Variants in LRRTM4 observed in about 807,000 individuals in gnomAD.
LRRTM4 encodes leucine rich repeat transmembrane neuronal 4, also known as leucine-rich repeat transmembrane neuronal protein 4.
LRRTM4 carries 25 observed loss-of-function variants against 47.6 expected under a neutral mutation model. The observed-to-expected ratio is 0.53, with a 90% CI of 0.38 to 0.73. The LOEUF (loss-of-function observed/expected upper bound fraction) is 0.73, where lower values mean the gene tolerates loss of function less well. Ranked by LOEUF, LRRTM4 falls within the 30% of genes least tolerant of loss-of-function variation. The pLI is 0.00. For missense variants in LRRTM4, 638 were observed against 713.4 expected, an observed-to-expected ratio of 0.89 and a Z score of 1.20; for synonymous variants, 311 against 269.5, an observed-to-expected ratio of 1.15 and a Z score of -1.51.
intron 3 of LRRTM4, among the ~76,000 whole-genome samples, chr2:76,892,548 A>AT (rs568828260): frequency 3.3e-5 from 5 of 151,446 alleles, no homozygotes; most frequent in East Asian, 3.9e-4. Context: ...GTAAACTGCA[A>AT]TTTTTTTTGG....
chr2:77,347,177 G>A (rs1404505746), intron 3 of LRRTM4, among the ~76,000 whole-genome samples: 3 of 152,160 alleles, frequency 2.0e-5, no homozygotes, highest in Admixed American at 6.5e-5. Flanking sequence ...AAACCTTAAA[G>A]CGATAGTTTT....
intron 3 of LRRTM4, among the ~76,000 whole-genome samples, chr2:76,894,418 G>C (rs758944898): frequency 1.3e-5 from 2 of 151,916 alleles, no homozygotes; most frequent in Non-Finnish European, 2.9e-5. Context: ...TTCTACTTAT[G>C]GTTTCTAAAT....
Position 76,764,669 on chromosome 2 carries a change from C to T in LRRTM4, c.1552-15753G>A, listed in dbSNP as rs528697853. 9.2e-5 allele frequency among the ~76,000 whole-genome samples: 14 copies of T among 152,178 alleles called. No individual in the cohort carries two copies. In the South Asian group the frequency reaches 2.9e-3, roughly 32 times the overall value. On this transcript the variant is annotated intron_variant, in intron 3 of 3. Transcript: ENST00000409884. Reference sequence around the variant, plus strand: ...AAAAACAAACAAAAAATTATATAAACTGAAACACTGCCAGTTTGAACTAAG... The same window carrying T: ...AAAAACAAACAAAAAATTATATAAATTGAAACACTGCCAGTTTGAACTAAG...
chr2:77,333,317 T>G (rs2104256325), intron 3 of LRRTM4, among the ~76,000 whole-genome samples: 1 of 152,296 alleles, frequency 6.6e-6, no homozygotes, highest in East Asian at 1.9e-4. Context: ...TGGAACAGTT[T>G]GGAAAGCTCA....
At chr2:77,083,783 CT>C (rs386390525) in intron 3 of LRRTM4, among the ~76,000 whole-genome samples, 3,344 of 52,378 alleles carry the variant, frequency 0.064, 283 homozygotes, top group Non-Finnish European at 0.093. Context: ...ACTGGACACA[CT>C]TTTTTTTTTT....
chr2:76,795,927 CCAGA>C (rs927420816), intron 3 of LRRTM4, among the ~76,000 whole-genome samples: 2 of 151,560 alleles, frequency 1.3e-5, no homozygotes, highest in Admixed American at 6.6e-5. Context: ...ATTGGGAGTG[CCAGA>C]CAGTGGGCGC....
At chr2:76,999,322 A>C (rs908418399) in intron 3 of LRRTM4, among the ~76,000 whole-genome samples, 1 of 152,180 alleles carries the variant, frequency 6.6e-6, no homozygotes, top group African/African-American at 2.4e-5. Flanking sequence ...TCTTGATAGA[A>C]TCTCAAGATG....
In LRRTM4 at chr2:76,909,434, G is replaced by A. The variant is rs570700072; in HGVS notation, c.1552-160518C>T. Among the ~76,000 whole-genome samples, 6 of 152,110 alleles carry A rather than the reference G, an allele frequency of 3.9e-5. No homozygotes were observed. In the South Asian group the frequency reaches 1.0e-3, roughly 26 times the overall value. On this transcript the variant is annotated intron_variant, in intron 3 of 3. Transcript: ENST00000409884. ...ATTACCATTCAGGACATAGGCATGG[G>A]CAAGGACTTCATGTCTAAAACACCA...
intron 3 of LRRTM4, among the ~76,000 whole-genome samples, chr2:76,848,460 C>T (rs1380739066): frequency 6.6e-6 from 1 of 152,108 alleles, no homozygotes; most frequent in Middle Eastern, 3.2e-3. Context: ...TCTAAACCAA[C>T]TGCCTTTTGG....
chr2:77,466,702 CT>C lies in LRRTM4; in HGVS notation c.1551+51615del, dbSNP rs34276275. Among the ~76,000 whole-genome samples, 758 of 131,286 alleles carry C rather than the reference CT, an allele frequency of 5.8e-3. 6 individuals are homozygous for C. Among genetic ancestry groups the C allele is most frequent in the African/African-American group, 0.017 (578 of 34,542 alleles). 86.1% of individuals were successfully genotyped at this position (131,286 alleles called of 152,430 possible). A position where few individuals can be genotyped will look rare whatever the true frequency, so the allele number is the denominator to read the frequency against. On this transcript the variant is annotated intron_variant, in intron 3 of 3. Coordinates refer to ENST00000409884, the MANE Select transcript of LRRTM4 (RefSeq NM_001134745.3). ...GATAAAAAATTTCAAACTATGGCAA[CT>C]TTTTTTTTTTTTTTTTTTTGACACA...
chr2:76,957,687 C>T (rs76282618), intron 3 of LRRTM4, among the ~76,000 whole-genome samples: 5,708 of 151,710 alleles, frequency 0.038, 244 homozygotes, highest in East Asian at 0.14. Flanking sequence ...CAGGAACCAT[C>T]ATTAGAAACT....
intron 3 of LRRTM4, among the ~76,000 whole-genome samples, chr2:77,203,270 C>T (rs577291837): frequency 5.9e-5 from 9 of 152,032 alleles, no homozygotes; most frequent in South Asian, 2.1e-4. Flanking sequence ...AAGGAATAGA[C>T]GGGTCCCTAA....
intron 3 of LRRTM4, among the ~76,000 whole-genome samples, chr2:77,266,677 G>A (rs1204248189): frequency 6.6e-6 from 1 of 152,096 alleles, no homozygotes; most frequent in East Asian, 1.9e-4. Flanking sequence ...AATAGTGGGT[G>A]CTAAAAATAT....
intron 3 of LRRTM4, among the ~76,000 whole-genome samples, chr2:77,267,602 C>T (rs894748548): frequency 3.3e-5 from 5 of 152,140 alleles, no homozygotes; most frequent in Non-Finnish European, 7.4e-5. Context: ...TAAGTTTTAA[C>T]ATGAGTTTTG....
At chr2:77,271,150 A>G (rs756972225) in intron 3 of LRRTM4, among the ~76,000 whole-genome samples, 8 of 151,990 alleles carry the variant, frequency 5.3e-5, no homozygotes, top group Non-Finnish European at 1.0e-4. Flanking sequence ...CGCCTTCACA[A>G]CCCTTCAACT....
At chr2:77,071,185 G>T (rs575146433) in intron 3 of LRRTM4, among the ~76,000 whole-genome samples, 4 of 152,050 alleles carry the variant, frequency 2.6e-5, no homozygotes, top group African/African-American at 9.7e-5. Context: ...CGCAAAGGAC[G>T]TAAAAATGAT....
intron 3 of LRRTM4, among the ~76,000 whole-genome samples, chr2:77,145,455 T>C (rs770824238): frequency 6.6e-6 from 1 of 151,780 alleles, no homozygotes; most frequent in Non-Finnish European, 1.5e-5. Context: ...AATCTTCTAG[T>C]CATTGGAGTT....
intron 3 of LRRTM4, among the ~76,000 whole-genome samples, chr2:77,403,006 T>A (rs892415357): frequency 6.6e-6 from 1 of 152,032 alleles, no homozygotes; most frequent in Non-Finnish European, 1.5e-5. Context: ...ATTAACATCA[T>A]TTTTTAAGAT....
chr2:77,286,972 G>A (rs1363400700), intron 3 of LRRTM4, among the ~76,000 whole-genome samples: 1 of 152,018 alleles, frequency 6.6e-6, no homozygotes, highest in Admixed American at 6.6e-5. Context: ...TAGTCTGGGA[G>A]AGTACAATTG....
Sources: allele counts gnomAD v4.1 joint callset (sites outside exome capture counted in the v4.1 genomes callset), GRCh38; gene constraint gnomAD v4.1.1; transcripts MANE v1.5; gene names NCBI Gene and HGNC (gene_info 2026-07-23, HGNC 2026-07-21).